FARS2: variants seen among roughly 807,000 people sequenced by gnomAD.
FARS2 encodes the protein phenylalanyl-tRNA synthetase 2, mitochondrial, also known as phenylalanine--tRNA ligase, mitochondrial.
FARS2 carries 40 observed loss-of-function variants against 46.4 expected under a neutral mutation model. That is an observed-to-expected ratio of 0.86 (90% CI 0.67 to 1.12). The LOEUF is 1.12. Ranked by LOEUF, FARS2 falls within the 50% of genes most tolerant of loss-of-function variation. The pLI is 0.00. For missense variants in FARS2, 513 were observed against 567.9 expected (o/e 0.90, Z 0.98); for synonymous variants, 234 against 214.9 (o/e 1.09, Z -0.78).
At chr6:5,676,784 G>A (rs1488769277) in intron 6 of FARS2, among the ~76,000 whole-genome samples, 1 of 152,230 alleles carries the variant, frequency 6.6e-6, no homozygotes, top group Non-Finnish European at 1.5e-5. Flanking sequence ...AATCTCAAGT[G>A]TATGCCCCGT....
At chr6:5,629,135 A>G (rs7776055) in intron 6 of FARS2, among the ~76,000 whole-genome samples, 6,096 of 152,300 alleles carry the variant, frequency 0.04, 313 homozygotes, top group African/African-American at 0.12. Context: ...TGGGTTAAAC[A>G]CTTACCATGG....
intron 1 of FARS2, among the ~76,000 whole-genome samples, chr6:5,362,427 T>C (rs1361230398): frequency 6.6e-6 from 1 of 152,214 alleles, no homozygotes; most frequent in African/African-American, 2.4e-5. Context: ...GTCTAAAGGC[T>C]GAATAATATT....
intron 1 of FARS2, among the ~76,000 whole-genome samples, chr6:5,317,651 G>A (rs926304776): frequency 6.6e-6 from 1 of 151,904 alleles, no homozygotes; most frequent in East Asian, 1.9e-4. Flanking sequence ...ATGGTGATGC[G>A]GGCCTGAAGT....
chr6:5,359,031 T>A (rs1420075182), intron 1 of FARS2, among the ~76,000 whole-genome samples: 9 of 43,598 alleles, frequency 2.1e-4, no homozygotes, highest in Non-Finnish European at 3.5e-4. Flanking sequence ...AAAGATACCC[T>A]TTTTTTTTTT....
intron 5 of FARS2, among the ~76,000 whole-genome samples, chr6:5,595,212 T>C (rs1774129959): frequency 6.6e-6 from 1 of 152,196 alleles, no homozygotes; most frequent in African/African-American, 2.4e-5. Context: ...TTTGACCCTT[T>C]AGCTCTTCAG....
At chr6:5,688,934 G>A (rs1757466114) in intron 6 of FARS2, among the ~76,000 whole-genome samples, 3 of 151,926 alleles carry the variant, frequency 2.0e-5, no homozygotes, top group Non-Finnish European at 2.9e-5. Flanking sequence ...TCTTGGGAGG[G>A]TGTATGTGTC....
intron 1 of FARS2, among the ~76,000 whole-genome samples, chr6:5,336,083 C>G (rs1475169422): frequency 6.6e-6 from 1 of 152,104 alleles, no homozygotes; most frequent in Non-Finnish European, 1.5e-5. Context: ...TCTCTTAAGA[C>G]TTAATAGGAA....
At chr6:5,380,400 A>G (rs1581934005) in intron 2 of FARS2, among the ~76,000 whole-genome samples, 1 of 152,198 alleles carries the variant, frequency 6.6e-6, no homozygotes, top group East Asian at 1.9e-4. Flanking sequence ...TGATGTGTGA[A>G]AATAGCAAAA....
At chr6:5,606,331 C>G (rs1216312099) in intron 5 of FARS2, among the ~76,000 whole-genome samples, 1 of 151,874 alleles carries the variant, frequency 6.6e-6, no homozygotes. Context: ...CACTGACTGA[C>G]AGCAGACTCG....
intron 6 of FARS2, among the ~76,000 whole-genome samples, chr6:5,693,417 C>T (rs1268106254): frequency 6.6e-6 from 1 of 152,224 alleles, no homozygotes. Flanking sequence ...GAACGACTGC[C>T]TCCCAAAGCG....
At chr6:5,511,636 G>A (rs2150404129) in intron 4 of FARS2, among the ~76,000 whole-genome samples, 1 of 152,318 alleles carries the variant, frequency 6.6e-6, no homozygotes, top group East Asian at 1.9e-4. Context: ...TAATGCCTAA[G>A]CCAGGTAATG....
Position 5,454,197 on chromosome 6 carries a change from A to ATT in FARS2, c.904+23037_904+23038dup, listed in dbSNP as rs34688392. Reference sequence around the variant, plus strand: ...TTTGGGGTTACTAAGTTCTCCCTCCATTTTTTTTTTTTTAGACCCATGGAC... The same window carrying ATT: ...TTTGGGGTTACTAAGTTCTCCCTCCATTTTTTTTTTTTTTTAGACCCATGGAC... On this transcript the variant is annotated intron_variant, in intron 4 of 6. Coordinates refer to ENST00000274680, the MANE Select transcript of FARS2 (RefSeq NM_006567.5). Among the ~76,000 whole-genome samples the ATT allele has an allele frequency of 3.4e-3, 493 of 144,018 alleles. 6 individuals carry two copies. Among genetic ancestry groups the ATT allele is most frequent in the Middle Eastern group, 0.014 (4 of 282 alleles). 94.5% of individuals were successfully genotyped at this position (144,018 alleles called of 152,430 possible). A position where few individuals can be genotyped will look rare whatever the true frequency, so the allele number is the denominator to read the frequency against.
intron 1 of FARS2, among the ~76,000 whole-genome samples, chr6:5,315,738 T>TTTC: frequency 0.018 from 2,284 of 125,250 alleles, 64 homozygotes; most frequent in African/African-American, 0.068. Flanking sequence ...TTCTTTCTTT[T>TTTC]TTCCTTTCTT....
chr6:5,744,517 A>G (rs1337603367), intron 6 of FARS2, among the ~76,000 whole-genome samples: 1 of 152,200 alleles, frequency 6.6e-6, no homozygotes, highest in Non-Finnish European at 1.5e-5. Context: ...CACAGGACTA[A>G]GTAGCAGAGC....
At chr6:5,679,762 A>G (rs530004207) in intron 6 of FARS2, among the ~76,000 whole-genome samples, 8 of 151,836 alleles carry the variant, frequency 5.3e-5, no homozygotes, top group Non-Finnish European at 1.0e-4. Context: ...AAAAGCTTCT[A>G]TCCTTTCCTG....
chr6:5,432,402 ATG>A (rs1386110722), intron 4 of FARS2, among the ~76,000 whole-genome samples: 2 of 122,178 alleles, frequency 1.6e-5, no homozygotes, highest in East Asian at 2.0e-4. Flanking sequence ...TATATATATT[ATG>A]TATTATATAT....
chr6:5,440,983 A>G (rs1763812306), intron 4 of FARS2, among the ~76,000 whole-genome samples: 1 of 150,114 alleles, frequency 6.7e-6, no homozygotes, highest in African/African-American at 2.5e-5. Context: ...GTGCAGTGGC[A>G]CAATCTTGGC....
intron 6 of FARS2, among the ~76,000 whole-genome samples, chr6:5,675,153 T>C (rs141887704): frequency 1.9e-3 from 290 of 152,258 alleles, no homozygotes; most frequent in African/African-American, 6.6e-3. Context: ...TAAAGTTGCA[T>C]ATATTTACCT....
At chr6:5,754,939 T>C (rs1484402832) in intron 6 of FARS2, among the ~76,000 whole-genome samples, 3 of 152,218 alleles carry the variant, frequency 2.0e-5, no homozygotes, top group Non-Finnish European at 2.9e-5. Context: ...AGTTCATTAA[T>C]TCTGGAAACT....
Sources: allele counts gnomAD v4.1 joint callset (sites outside exome capture counted in the v4.1 genomes callset), GRCh38; gene constraint gnomAD v4.1.1; transcripts MANE v1.5; gene names NCBI Gene and HGNC (gene_info 2026-07-23, HGNC 2026-07-21).